ZNF843: variants seen among roughly 807,000 people sequenced by gnomAD.
The protein encoded by ZNF843 is zinc finger protein 843.
For synonymous variants in ZNF843, 185 were observed against 207.7 expected, an observed-to-expected ratio of 0.89 and a Z score of 0.94; for missense variants, 482 against 469.4, an observed-to-expected ratio of 1.03 and a Z score of -0.25.
chr16:31,437,803 ATT>A (rs960251081), intron 1 of ZNF843, among the ~76,000 whole-genome samples: 1 of 149,818 alleles, frequency 6.7e-6, no homozygotes, highest in African/African-American at 2.5e-5. Flanking sequence ...TTTTTTTTGT[ATT>A]TTAGTAGAGA....
intron 1 of ZNF843, among the ~76,000 whole-genome samples, chr16:31,441,420 C>T (rs951357907): frequency 1.3e-5 from 2 of 152,158 alleles, no homozygotes; most frequent in Non-Finnish European, 2.9e-5. Context: ...CCTCAGTTAC[C>T]GCCACAGCTT....
At chr16:31,440,339 G>C (rs1394008818) in intron 1 of ZNF843, among the ~76,000 whole-genome samples, 1 of 152,190 alleles carries the variant, frequency 6.6e-6, no homozygotes, top group African/African-American at 2.4e-5. Context: ...TTCAGGCTTT[G>C]CCAACATGCA....
At chr16:31,441,647 A>G (rs2082201343) in intron 1 of ZNF843, among the ~76,000 whole-genome samples, 1 of 150,498 alleles carries the variant, frequency 6.6e-6, no homozygotes, top group South Asian at 2.1e-4. Flanking sequence ...ACACCTGGCT[A>G]ATTTTTTTTT....
Position 31,436,927 on chromosome 16 carries a change from T to G in ZNF843, c.-78A>C. 7.5e-7 allele frequency: 1 copy of G among 1,341,262 alleles called. No individual in the cohort carries two copies. The highest frequency in any genetic ancestry group is 1.0e-6 in the Non-Finnish European group (1 of 998,614). 83.1% of individuals were successfully genotyped at this position (1,341,262 alleles called of 1,614,324 possible). ...CCGCACTTGGCGCAGCTGTGGGGCC[T>G]CTGCCGCACTCAGGCTTCCCGTGGC... On this transcript the variant is annotated 5_prime_UTR_variant, in exon 2 of 2. Transcript: ENST00000315678.
chr16:31,437,005 TGGAGAGTTCTCTAATGTAA>T lies in ZNF843; in HGVS notation c.-175_-157del. ...CCGGCCCCAGGCCTCGGGGGCTGTC[TGGAGAGTTCTCTAATGTAA>T]GACGCTGGGCAATGTCATCTGAAGG... On this transcript the variant is annotated 5_prime_UTR_variant, in exon 2 of 2. The change abolishes the stop of an existing upstream ORF in the 5' untranslated region. Transcript: ENST00000315678. 1 of 668,378 alleles carries T rather than the reference TGGAGAGTTCTCTAATGTAA, an allele frequency of 1.5e-6. No individual in the cohort carries two copies. Among genetic ancestry groups the T allele is most frequent in the South Asian group, 2.0e-5 (1 of 49,962 alleles). The allele number at this position is 668,378 out of a possible 1,614,324, so 41.4% of individuals were successfully genotyped here. A position where few individuals can be genotyped will look rare whatever the true frequency, so the allele number is the denominator to read the frequency against.
In ZNF843 at chr16:31,436,604, C is replaced by T. The variant is rs971075880; in HGVS notation, c.246G>A (p.Ala82=). Residue 82 remains alanine (A), a synonymous_variant, in exon 2 of 2, where the codon GCG becomes GCA. Coordinates refer to ENST00000315678, the MANE Select transcript of ZNF843 (RefSeq NM_001136509.3). ...ACGAATGGCTTCTCCCGAGTGGACT[C>T]GCTGGTGCTTGATGAGGTTGGAGCG... ...LWPLQPHQAP[A]SPLGRSHSSA... The T allele has an allele frequency of 2.6e-6, 4 of 1,551,452 alleles. No homozygotes were observed. Among genetic ancestry groups the T allele is most frequent in the East Asian group, 2.4e-5 (1 of 40,926 alleles).
Position 31,436,093 on chromosome 16 carries a change from C to A in ZNF843, c.757G>T (p.Val253Phe), listed in dbSNP as rs1405982851. The change falls in exon 2 of 2, where the codon GTT (valine) becomes TTT (phenylalanine). Residue 253 changes from valine (V) to phenylalanine (F), a missense_variant. By Grantham distance (50) the Val-to-Phe change is conservative (BLOSUM62 -1). Transcript: ENST00000315678. Reference sequence around the variant, plus strand: ...GCTGCCGGCTGGGTGGCTGGCGGAACCTGGGCAACTTCCAGGCCTCCCAGA... The same window carrying A: ...GCTGCCGGCTGGGTGGCTGGCGGAAACTGGGCAACTTCCAGGCCTCCCAGA... ...VPLGGLEVAQ[V>F]PPATQPAAQQ... is the part of the protein sequence containing the mutation. 95 of 1,550,208 alleles carry A rather than the reference C, an allele frequency of 6.1e-5. No individual in the cohort carries two copies. Among genetic ancestry groups the A allele is most frequent in the Non-Finnish European group, 7.3e-5 (84 of 1,146,498 alleles).
chr16:31,440,702 G>C (rs1452273547), intron 1 of ZNF843, among the ~76,000 whole-genome samples: 3 of 152,154 alleles, frequency 2.0e-5, no homozygotes, highest in African/African-American at 7.2e-5. Flanking sequence ...AAGGGCCTCT[G>C]GCCTCGATAA....
rs1438044565 is a variant in ZNF843, at chr16:31,435,791, C to T, written c.*12G>A. The T allele has an allele frequency of 1.6e-5, 23 of 1,447,364 alleles. No homozygotes were observed. The East Asian group carries it at 5.6e-4, about 35-fold the overall frequency. The allele number at this position is 1,447,364 out of a possible 1,614,324, so 89.7% of individuals were successfully genotyped here. A position where few individuals can be genotyped will look rare whatever the true frequency, so the allele number is the denominator to read the frequency against. On this transcript the variant is annotated 3_prime_UTR_variant, in exon 2 of 2. Transcript: ENST00000315678. ...GCAACAATTCCACCCAGGGCTGCAG[C>T]ACGCTGGTTCTTCAGTGTCGGGCCA...
intron 1 of ZNF843, among the ~76,000 whole-genome samples, chr16:31,439,321 T>C (rs1300463001): frequency 6.6e-6 from 1 of 152,200 alleles, no homozygotes; most frequent in Non-Finnish European, 1.5e-5. Flanking sequence ...GCCTGGGCAT[T>C]TTGGAAACCA....
rs759919431 is a variant in ZNF843, at chr16:31,436,796, A to G, written c.54T>C (p.Pro18=). 6.4e-7 allele frequency: 1 copy of G among 1,551,630 alleles called. No homozygotes were observed. Among genetic ancestry groups the G allele is most frequent in the South Asian group, 1.2e-5 (1 of 84,022 alleles). ...LTVESVSARA[P]TCCSTGRFTQ... ...TGAATCTGCCGGTGCTGCAGCAGGTAGGAGCTCTGGCTGAAACGCTTTCCA... is the reference window on the plus strand; with the variant it reads ...TGAATCTGCCGGTGCTGCAGCAGGTGGGAGCTCTGGCTGAAACGCTTTCCA... Residue 18 remains proline (P), a synonymous_variant, in exon 2 of 2, where the codon CCT becomes CCC. Transcript: ENST00000315678.
chr16:31,435,771 A>G lies in ZNF843; in HGVS notation c.*32T>C. 7.0e-7 allele frequency: 1 copy of G among 1,436,816 alleles called. No homozygotes were observed. Among genetic ancestry groups the G allele is most frequent in the Non-Finnish European group, 9.2e-7 (1 of 1,092,110 alleles). 89.0% of individuals were successfully genotyped at this position (1,436,816 alleles called of 1,614,324 possible). On this transcript the variant is annotated 3_prime_UTR_variant, in exon 2 of 2. Transcript: ENST00000315678. ...TCCACAGTCCACCGGCGGCTGCAAC[A>G]ATTCCACCCAGGGCTGCAGCACGCT...
At chr16:31,442,005 A>G (rs1267066194) in intron 1 of ZNF843, among the ~76,000 whole-genome samples, 1 of 152,222 alleles carries the variant, frequency 6.6e-6, no homozygotes, top group Non-Finnish European at 1.5e-5. Context: ...GACAGAACCC[A>G]GGGGAGGACT....
chr16:31,435,614 A>G lies in ZNF843; in HGVS notation c.*189T>C, dbSNP rs1359779444. On this transcript the variant is annotated 3_prime_UTR_variant, in exon 2 of 2. Transcript: ENST00000315678. ...CGCACCTGCCTAAATCCCTTAATGT[A>G]TAAGGGAAAGGAGCGAGAATTCAGG... 1.1e-5 allele frequency: 6 copies of G among 534,924 alleles called. No individual in the cohort carries two copies. The highest frequency in any genetic ancestry group is 1.9e-5 in the Non-Finnish European group (6 of 323,464). 33.1% of individuals were successfully genotyped at this position (534,924 alleles called of 1,614,324 possible).
rs1210448176 is a variant in ZNF843, at chr16:31,437,906, G to A, written c.-335-722C>T. ...CTCCCAAAGTGCTGGGATTACAGGT[G>A]TGAGCCACTGCACATGGCCAATCAA... On this transcript the variant is annotated intron_variant, in intron 1 of 1. Transcript: ENST00000315678. Among the ~76,000 whole-genome samples the A allele has an allele frequency of 2.0e-5, 3 of 152,208 alleles. No homozygotes were observed. The East Asian group carries it at 5.8e-4, about 29-fold the overall frequency.
intron 1 of ZNF843, among the ~76,000 whole-genome samples, chr16:31,440,186 T>TA (rs1464384196): frequency 6.6e-6 from 1 of 152,190 alleles, no homozygotes; most frequent in Non-Finnish European, 1.5e-5. Flanking sequence ...ATATATACGG[T>TA]AAAAAAATTT....
In ZNF843 at chr16:31,435,936, C is replaced by A. The variant is rs768940046; in HGVS notation, c.914G>T (p.Gly305Val). ...ASQHRAAGPL[G>V]EARARLQRQC... ...TCGCTGAAGCCTGGCCCTGGCCTCG[C>A]CGAGCGGTCCGGCCGCTCTGTGCTG... Residue 305 changes from glycine (G) to valine (V), a missense_variant, in exon 2 of 2, where the codon GGC (glycine) becomes GTC (valine). Gly to Val is a moderately radical substitution (Grantham distance 109). Transcript: ENST00000315678. The A allele has an allele frequency of 2.6e-6, 4 of 1,542,806 alleles. No homozygotes were observed. The highest frequency in any genetic ancestry group is 2.6e-6 in the Non-Finnish European group (3 of 1,142,794).
In ZNF843 at chr16:31,435,947, GGCCGCTCT is replaced by G. The variant is rs1460459110; in HGVS notation, c.895_902del (p.Ala300ThrfsTer68). 64 of 1,540,642 alleles carry G rather than the reference GGCCGCTCT, an allele frequency of 4.2e-5. No homozygotes were observed. Among genetic ancestry groups the G allele is most frequent in the African/African-American group, 5.5e-5 (4 of 72,786 alleles). On this transcript the variant is annotated frameshift_variant, in exon 2 of 2. Transcript: ENST00000315678. LOFTEE classifies it low-confidence loss of function (END_TRUNC). ...TGGCCCTGGCCTCGCCGAGCGGTCC[GGCCGCTCT>G]GTGCTGCGAGGCCTTCCGGGCTGGC...
At chr16:31,441,469 C>T (rs534709427) in intron 1 of ZNF843, among the ~76,000 whole-genome samples, 11 of 152,222 alleles carry the variant, frequency 7.2e-5, no homozygotes, top group South Asian at 2.1e-4. Context: ...ATGGGCACAC[C>T]GTACAGTATT....
Sources: gnomAD v4.1 joint callset for allele counts (sites outside exome capture counted in the v4.1 genomes callset) on GRCh38, gnomAD v4.1.1 for gene constraint, MANE v1.5 for transcripts, NCBI Gene and HGNC (gene_info 2026-07-23, HGNC 2026-07-21) for gene names.